Variants in ENTPD1 observed in about 807,000 individuals in gnomAD.
ENTPD1 encodes ATP diphosphohydrolase.
A neutral mutation model predicts 57.0 loss-of-function variants in ENTPD1; 33 were observed. The ratio of observed to expected loss-of-function variants is 0.58; its 90% CI spans 0.44 to 0.77. The LOEUF (loss-of-function observed/expected upper bound fraction) is 0.77, where lower values mean the gene tolerates loss of function less well. Among genes scored for constraint, ENTPD1 ranks in the 30% least tolerant of loss-of-function variants. The pLI is 0.00. For synonymous variants in ENTPD1, 202 were observed against 218.8 expected (o/e 0.92, Z 0.68); for missense variants, 501 against 603.4 (o/e 0.83, Z 1.78).
chr10:95,710,587 A>G (rs2097964721), upstream of ENTPD1, among the ~76,000 whole-genome samples: 1 of 152,238 alleles, frequency 6.6e-6, no homozygotes, highest in South Asian at 2.1e-4. Context: ...TAAACAATGA[A>G]TACATTGTAG....
Position 95,845,391 on chromosome 10 carries a change from C to T in ENTPD1, c.608C>T (p.Thr203Ile), listed in dbSNP as rs760712214. 1 of 1,614,188 alleles carries T rather than the reference C, an allele frequency of 6.2e-7. No homozygotes were observed. The highest frequency in any genetic ancestry group is 1.1e-5 in the South Asian group (1 of 91,078). The change falls in exon 6 of 10, where the codon ACC (threonine) becomes ATC (isoleucine). Residue 203 changes from threonine (T) to isoleucine (I), a missense_variant. Physicochemically the swap from Thr to Ile is moderately conservative, Grantham distance 89. Transcript: ENST00000371205. ...TRWFSIVPYE[T>I]NNQETFGALD... ...TGGTTCAGCATAGTCCCATATGAAA[C>T]CAATAATCAGGAAACCTTTGGAGCT...
Position 95,875,759 on chromosome 10 carries a change from C to T in ENTPD1, c.*9376C>T, listed in dbSNP as rs2096219. On this transcript the variant is annotated 3_prime_UTR_variant, in exon 10 of 10. Coordinates refer to ENST00000371205, the MANE Select transcript of ENTPD1 (RefSeq NM_001776.6). ...CAGGAGGTGAAAGGCATTTCTTACA[C>T]GGCAGCAGCAAGAGAAAAATGAAGA... 0.46 allele frequency: 77,522 copies of T among 166,832 alleles called. 18,490 individuals are homozygous for T. Among genetic ancestry groups the T allele is most frequent in the Admixed American group, 0.57 (8,958 of 15,784 alleles). 10.3% of individuals were successfully genotyped at this position (166,832 alleles called of 1,614,324 possible). A position where few individuals can be genotyped will look rare whatever the true frequency, so the allele number is the denominator to read the frequency against.
chr10:95,764,652 T>TA (rs1189814434), intron 1 of ENTPD1, among the ~76,000 whole-genome samples: 1 of 152,158 alleles, frequency 6.6e-6, no homozygotes, highest in African/African-American at 2.4e-5. Flanking sequence ...TTTGAAAATC[T>TA]ATTCATGTGT....
At chr10:95,832,856 G>A (rs574271437) in intron 2 of ENTPD1, among the ~76,000 whole-genome samples, 7 of 152,296 alleles carry the variant, frequency 4.6e-5, no homozygotes, top group African/African-American at 1.4e-4. Flanking sequence ...TGACTTAATT[G>A]TCAGAGCGAT....
chr10:95,755,607 A>G (rs1029286533), upstream of ENTPD1: 6 of 1,304,136 alleles, frequency 4.6e-6, no homozygotes, highest in Admixed American at 2.1e-5. Flanking sequence ...CAGCCTTCCA[A>G]CCAATAACGC....
At chr10:95,789,913 C>T (rs566580857) in intron 1 of ENTPD1, among the ~76,000 whole-genome samples, 12 of 152,132 alleles carry the variant, frequency 7.9e-5, no homozygotes, top group African/African-American at 2.9e-4. Context: ...GCCTAGAATG[C>T]CATAAATTGC....
intron 6 of ENTPD1, among the ~76,000 whole-genome samples, chr10:95,847,235 A>G (rs1566232846): frequency 6.6e-6 from 1 of 152,132 alleles, no homozygotes; most frequent in Non-Finnish European, 1.5e-5. Context: ...GACTAGCCAA[A>G]TACATTTATA....
chr10:95,870,875 T>G lies in ENTPD1; in HGVS notation c.*4492T>G. The G allele has an allele frequency of 3.0e-6, 3 of 985,462 alleles. No homozygotes were observed. The highest frequency in any genetic ancestry group is 3.6e-6 in the Non-Finnish European group (3 of 829,932). The allele number at this position is 985,462 out of a possible 1,614,324, so 61.0% of individuals were successfully genotyped here. A position where few individuals can be genotyped will look rare whatever the true frequency, so the allele number is the denominator to read the frequency against. On this transcript the variant is annotated 3_prime_UTR_variant, in exon 10 of 10. Coordinates refer to ENST00000371205, the MANE Select transcript of ENTPD1 (RefSeq NM_001776.6). ...CATGAATTGCTGCAGTAAACATTGA[T>G]TTTCATGTTTGTGAGTCTGCAAGCC...
intron 1 of ENTPD1, among the ~76,000 whole-genome samples, chr10:95,773,279 G>A (rs567574738): frequency 2.0e-5 from 3 of 152,218 alleles, no homozygotes; most frequent in Admixed American, 2.0e-4. Flanking sequence ...TATCCAAACC[G>A]TAGCACTCCT....
intron 1 of ENTPD1, among the ~76,000 whole-genome samples, chr10:95,802,135 A>C (rs1313893253): frequency 6.6e-6 from 1 of 152,218 alleles, no homozygotes; most frequent in Admixed American, 6.5e-5. Flanking sequence ...ACATTAATCA[A>C]ATACATTTAA....
chr10:95,822,855 C>A (rs1186696763), intron 1 of ENTPD1, among the ~76,000 whole-genome samples: 2 of 152,138 alleles, frequency 1.3e-5, no homozygotes, highest in Non-Finnish European at 2.9e-5. Context: ...ACATCATAAA[C>A]ATTTTGTGGT....
intron 1 of ENTPD1, among the ~76,000 whole-genome samples, chr10:95,721,457 T>A (rs2097977341): frequency 6.6e-6 from 1 of 152,190 alleles, no homozygotes; most frequent in Non-Finnish European, 1.5e-5. Flanking sequence ...TCATTTGGGG[T>A]TAGTGTCTGA....
intron 7 of ENTPD1, 23 bp from the exon 8 acceptor site, chr10:95,860,445 TA>T (rs999727619): frequency 1.2e-6 from 2 of 1,600,634 alleles, no homozygotes; most frequent in African/African-American, 2.7e-5. Flanking sequence ...GAACACAGCC[TA>T]AAACTGCGAT....
chr10:95,799,904 A>G (rs971116605), intron 1 of ENTPD1, among the ~76,000 whole-genome samples: 2 of 152,024 alleles, frequency 1.3e-5, no homozygotes, highest in Non-Finnish European at 2.9e-5. Context: ...CTTTTTTTAT[A>G]TGATTGTTGG....
intron 1 of ENTPD1, among the ~76,000 whole-genome samples, chr10:95,803,503 C>G (rs966433690): frequency 6.6e-6 from 1 of 152,154 alleles, no homozygotes; most frequent in Non-Finnish European, 1.5e-5. Context: ...GCATAGATGT[C>G]CTCTTTTGAG....
At chr10:95,820,475 A>AAGC (rs2098345823) in intron 1 of ENTPD1, among the ~76,000 whole-genome samples, 1 of 152,226 alleles carries the variant, frequency 6.6e-6, no homozygotes, top group African/African-American at 2.4e-5. Flanking sequence ...TGACAAGAAG[A>AAGC]AGTTAGTAAA....
intron 2 of ENTPD1, 116 bp downstream of exon 2, chr10:95,823,480 A>G (rs973960730): frequency 1.4e-5 from 21 of 1,500,796 alleles, no homozygotes; most frequent in Non-Finnish European, 1.9e-5. Context: ...CTAACAGCCC[A>G]GGAACAAGTC....
At chr10:95,747,175 C>T (rs575835471) in intron 1 of ENTPD1, among the ~76,000 whole-genome samples, 14 of 152,200 alleles carry the variant, frequency 9.2e-5, no homozygotes, top group Non-Finnish European at 1.6e-4. Context: ...TATAAAAATC[C>T]ATTATTTTAC....
At chr10:95,841,310 C>T (rs374717214) in intron 3 of ENTPD1, among the ~76,000 whole-genome samples, 5 of 152,098 alleles carry the variant, frequency 3.3e-5, no homozygotes, top group Non-Finnish European at 5.9e-5. Flanking sequence ...TCACTTGAAC[C>T]CGGGAGGCGG....
Sources: gnomAD v4.1 joint callset for allele counts (sites outside exome capture counted in the v4.1 genomes callset) on GRCh38, gnomAD v4.1.1 for gene constraint, MANE v1.5 for transcripts, NCBI Gene and HGNC (gene_info 2026-07-23, HGNC 2026-07-21) for gene names.